RGS17: variants seen among roughly 807,000 people sequenced by gnomAD.
RGS17 encodes regulator of G protein signaling 17, also known as regulator of G-protein signaling 17.
RGS17 carries 12 observed loss-of-function variants against 25.5 expected under a neutral mutation model. The ratio of observed to expected loss-of-function variants is 0.47; its 90% confidence interval spans 0.30 to 0.76. RGS17 has a LOEUF of 0.76. Ranked by LOEUF, RGS17 falls within the 30% of genes least tolerant of loss-of-function variation. The pLI is 0.07. For missense variants in RGS17, 196 were observed against 242.2 expected (o/e 0.81, Z 1.27); for synonymous variants, 71 against 76.9 (o/e 0.92, Z 0.40).
intron 4 of RGS17, among the ~76,000 whole-genome samples, chr6:153,020,827 C>A (rs1779241390): frequency 6.6e-6 from 1 of 151,908 alleles, no homozygotes; most frequent in Non-Finnish European, 1.5e-5. Flanking sequence ...TTGTCTAGCC[C>A]CAAAATGAGA....
chr6:153,130,313 C>A lies in RGS17; in HGVS notation c.-26+811G>T, dbSNP rs1331749383. ...CCATCACCTACAGCAAAGGAGGCTC[C>A]GATGCGCCCACCCGGGCAGCGACTC... On this transcript the variant is annotated intron_variant, in intron 1 of 4. Transcript: ENST00000206262. This position sits in a 1 kb window ranked among gnomAD's most constrained non-coding sequence, Gnocchi z 6.4. Among the ~76,000 whole-genome samples, 1 of 152,118 alleles carries A rather than the reference C, an allele frequency of 6.6e-6. No individual in the cohort carries two copies. The highest frequency in any genetic ancestry group is 1.5e-5 in the Non-Finnish European group (1 of 68,028).
chr6:153,019,749 C>G (rs1779220639), intron 4 of RGS17, among the ~76,000 whole-genome samples: 1 of 152,128 alleles, frequency 6.6e-6, no homozygotes, highest in African/African-American at 2.4e-5. Context: ...ATGCCAGCAC[C>G]TTGCTTCCTG....
At chr6:153,059,758 A>G (rs1015694267) in intron 1 of RGS17, among the ~76,000 whole-genome samples, 4 of 152,246 alleles carry the variant, frequency 2.6e-5, no homozygotes, top group Non-Finnish European at 4.4e-5. Flanking sequence ...TATTTACAAT[A>G]AAAAGCTGAT....
intron 4 of RGS17, chr6:153,023,400 C>T (rs1160234336): frequency 3.9e-6 from 2 of 507,858 alleles, no homozygotes; most frequent in Admixed American, 3.9e-5. Context: ...CCTCTATGTT[C>T]TCTAAGTGCT....
intron 1 of RGS17, among the ~76,000 whole-genome samples, chr6:153,112,873 G>A (rs1777493598): frequency 6.6e-6 from 1 of 152,160 alleles, no homozygotes; most frequent in South Asian, 2.1e-4. Flanking sequence ...AGCAAATGCT[G>A]AGAGATTTTG....
intron 1 of RGS17, among the ~76,000 whole-genome samples, chr6:153,054,189 T>C (rs1234532953): frequency 4.8e-4 from 69 of 142,964 alleles, no homozygotes; most frequent in Non-Finnish European, 6.0e-5. Context: ...GCAGAAAGAC[T>C]CAAAAACTTT....
At chr6:153,026,372 C>A in intron 3 of RGS17, 82 bp downstream of exon 3, 1 of 833,564 alleles carries the variant, frequency 1.2e-6, no homozygotes, top group African/African-American at 1.7e-5. Context: ...TACCATGAAG[C>A]AAGGGGTAAT....
intron 2 of RGS17, among the ~76,000 whole-genome samples, chr6:153,031,460 C>T (rs984839732): frequency 3.9e-5 from 6 of 152,208 alleles, no homozygotes; most frequent in Non-Finnish European, 1.5e-5. Context: ...TCATCCATTA[C>T]CTTGTCACTT....
rs1243515873 is a variant in RGS17, at chr6:153,007,949, A to C, written c.*3625T>G. 4 of 152,186 alleles carry C rather than the reference A, an allele frequency of 2.6e-5. No individual in the cohort carries two copies. The highest frequency in any genetic ancestry group is 9.7e-5 in the African/African-American group (4 of 41,448). The allele number at this position is 152,186 out of a possible 1,614,324, so 9.4% of individuals were successfully genotyped here. ...TTTTTGACTTTTTTGATTGTATTTT[A>C]AATTCCTTCTCTTTTACATTTCAAC... On this transcript the variant is annotated 3_prime_UTR_variant, in exon 5 of 5. Transcript: ENST00000206262.
At chr6:153,044,631 G>T (rs996084514) in intron 1 of RGS17, among the ~76,000 whole-genome samples, 1 of 152,156 alleles carries the variant, frequency 6.6e-6, no homozygotes, top group African/African-American at 2.4e-5. Context: ...TTTCTGTTAG[G>T]TGTCAGTGTT....
Position 153,048,154 on chromosome 6 carries a change from C to T in RGS17, c.-25-4111G>A, listed in dbSNP as rs559993593. On this transcript the variant is annotated intron_variant, in intron 1 of 4. Transcript: ENST00000206262. Reference sequence around the variant, plus strand: ...ACTCAATATCTTCACTTGGCTTTCTCAAACTTAACATGCTCTAATCTGCCC... The same window carrying T: ...ACTCAATATCTTCACTTGGCTTTCTTAAACTTAACATGCTCTAATCTGCCC... 1.9e-3 allele frequency among the ~76,000 whole-genome samples: 294 copies of T among 152,314 alleles called. 1 individual carries two copies. Among genetic ancestry groups the T allele is most frequent in the Middle Eastern group, 0.017 (5 of 294 alleles).
At chr6:153,053,469 G>T (rs899707909) in intron 1 of RGS17, among the ~76,000 whole-genome samples, 5 of 152,062 alleles carry the variant, frequency 3.3e-5, no homozygotes, top group South Asian at 2.1e-4. Flanking sequence ...CTTTAAAAAA[G>T]ATCTGAAGAA....
intron 1 of RGS17, among the ~76,000 whole-genome samples, chr6:153,104,072 A>C (rs1048358253): frequency 1.3e-5 from 2 of 152,248 alleles, no homozygotes; most frequent in Non-Finnish European, 2.9e-5. Context: ...TGTGAGATAA[A>C]ATATCCTATG....
At chr6:153,053,249 A>C (rs1459426156) in intron 1 of RGS17, among the ~76,000 whole-genome samples, 1 of 152,214 alleles carries the variant, frequency 6.6e-6, no homozygotes, top group African/African-American at 2.4e-5. Flanking sequence ...CAATCACAAA[A>C]CAATGTTGAA....
intron 1 of RGS17, among the ~76,000 whole-genome samples, chr6:153,074,617 G>T (rs1197103810): frequency 6.6e-6 from 1 of 152,146 alleles, no homozygotes; most frequent in African/African-American, 2.4e-5. Context: ...TAATTGATGG[G>T]GGAAAAGGCT....
chr6:153,072,948 A>G (rs201251279), intron 1 of RGS17, among the ~76,000 whole-genome samples: 1 of 148,364 alleles, frequency 6.7e-6, no homozygotes, highest in South Asian at 2.2e-4. Context: ...TAAAAAATAT[A>G]TGTCTTATGG....
intron 1 of RGS17, among the ~76,000 whole-genome samples, chr6:153,108,971 G>C (rs139744227): frequency 0.011 from 1,608 of 152,126 alleles, 38 homozygotes; most frequent in African/African-American, 0.035. Context: ...TAGTCAATCT[G>C]CATCTCTCAG....
intron 4 of RGS17, chr6:153,023,449 G>A: frequency 4.6e-6 from 2 of 432,234 alleles, no homozygotes; most frequent in Non-Finnish European, 9.4e-6. Context: ...GGGCTCCAAG[G>A]GCCTGGCCAC....
chr6:153,020,013 G>GT (rs1368407724), intron 4 of RGS17, among the ~76,000 whole-genome samples: 1,372 of 131,282 alleles, frequency 0.01, 21 homozygotes, highest in African/African-American at 0.036. Flanking sequence ...TAAATTTCTA[G>GT]TTTTTTTTTT....
Sources: gnomAD v4.1 joint callset for allele counts (sites outside exome capture counted in the v4.1 genomes callset) on GRCh38, gnomAD v4.1.1 for gene constraint, Gnocchi (gnomAD v3.1) non-coding constraint, MANE v1.5 for transcripts, NCBI Gene and HGNC (gene_info 2026-07-23, HGNC 2026-07-21) for gene names.